The following BDP1 variants were observed in gnomAD, a reference collection of about 807,000 sequenced individuals.
BDP1 encodes the protein transcription factor TFIIIB component B'' homolog.
A neutral mutation model predicts 266.6 loss-of-function variants in BDP1; 169 were observed. The ratio of observed to expected loss-of-function variants is 0.63; its 90% confidence interval spans 0.56 to 0.72. BDP1 has a LOEUF of 0.72. Among genes scored for constraint, BDP1 ranks in the 30% least tolerant of loss-of-function variants. The pLI is 0.00. For synonymous variants in BDP1, 1,090 were observed against 1,022.4 expected (o/e 1.07, Z -1.26); for missense variants, 3,015 against 3,053.8 (o/e 0.99, Z 0.30).
At chr5:71,526,775 C>A (rs1765916227) in intron 25 of BDP1, among the ~76,000 whole-genome samples, 1 of 150,568 alleles carries the variant, frequency 6.6e-6, no homozygotes, top group South Asian at 2.1e-4. Context: ...GCAACCTCCA[C>A]CTCCCAGGTT....
In BDP1 at chr5:71,526,615, CAAAAAAAA is replaced by C. The variant is rs752124588; in HGVS notation, c.5772+2306_5772+2313del. On this transcript the variant is annotated intron_variant, in intron 25 of 38. Transcript: ENST00000358731. ...TGGGAGACAGAGCGAGACTCTATCT[CAAAAAAAA>C]AAAAAAAAAAAAAGAAGAGTGCTAA... 3.0e-3 allele frequency among the ~76,000 whole-genome samples: 151 copies of C among 49,866 alleles called. 2 individuals carry two copies. The highest frequency in any genetic ancestry group is 0.011 in the African/African-American group (137 of 12,052). 32.7% of individuals were successfully genotyped at this position (49,866 alleles called of 152,430 possible).
chr5:71,542,839 ATTC>A (rs997013779), intron 30 of BDP1, among the ~76,000 whole-genome samples: 6 of 152,140 alleles, frequency 3.9e-5, no homozygotes, highest in African/African-American at 1.2e-4. Flanking sequence ...TATATACTGT[ATTC>A]TTATGATAAA....
intron 36 of BDP1, among the ~76,000 whole-genome samples, chr5:71,559,314 A>G (rs967661239): frequency 3.9e-5 from 6 of 152,220 alleles, no homozygotes; most frequent in Non-Finnish European, 7.3e-5. Flanking sequence ...GCATTAAGCA[A>G]ACCACAATAC....
At chr5:71,540,779 A>G (rs1007240176) in intron 28 of BDP1, among the ~76,000 whole-genome samples, 1 of 152,150 alleles carries the variant, frequency 6.6e-6, no homozygotes, top group African/African-American at 2.4e-5. Context: ...TCTACAAAAA[A>G]TACAAAAAAT....
intron 22 of BDP1, among the ~76,000 whole-genome samples, chr5:71,519,696 A>T (rs560768230): frequency 1.3e-4 from 20 of 151,884 alleles, no homozygotes; most frequent in African/African-American, 4.1e-4. Context: ...ACACTTTCTC[A>T]CTTTCTTTAT....
chr5:71,568,174 G>A (rs997218880), downstream of BDP1, among the ~76,000 whole-genome samples: 2 of 152,100 alleles, frequency 1.3e-5, no homozygotes, highest in Admixed American at 1.3e-4. Context: ...TTTGACAGGT[G>A]TGCATGTCGT....
At chr5:71,543,602 A>C (rs1376852780) in intron 30 of BDP1, among the ~76,000 whole-genome samples, 1 of 152,174 alleles carries the variant, frequency 6.6e-6, no homozygotes, top group Non-Finnish European at 1.5e-5. Context: ...AAAAGGAAGA[A>C]AATTATAAGG....
intron 34 of BDP1, among the ~76,000 whole-genome samples, chr5:71,552,275 A>T (rs372033736): frequency 6.6e-6 from 1 of 150,560 alleles, no homozygotes; most frequent in African/African-American, 2.5e-5. Flanking sequence ...GGCCGGGCAG[A>T]GACGCTCCTC....
rs768888739 is a variant in BDP1 at position 71,541,548 on chromosome 5, T to G, written c.6117T>G (p.Cys2039Trp). 2 of 1,611,584 alleles carry G rather than the reference T, an allele frequency of 1.2e-6. No individual in the cohort carries two copies. Among genetic ancestry groups the G allele is most frequent in the Non-Finnish European group, 8.5e-7 (1 of 1,178,044 alleles). ...TAAATCACAAAATTGTTCATGAATG[T>G]CAGGAACTTTCTTCACCTGTCATTA... ...DNVNHKIVHE[C>W]QELSSPVITT... The change falls in exon 29 of 39, where the codon TGT becomes TGG. Residue 2039 changes from cysteine to tryptophan, a missense_variant. Transcript: ENST00000358731.
intron 25 of BDP1, among the ~76,000 whole-genome samples, chr5:71,531,728 T>G (rs1192165018): frequency 3.3e-5 from 5 of 152,148 alleles, no homozygotes; most frequent in Middle Eastern, 3.4e-3. Flanking sequence ...AGGCTGGTCT[T>G]GAACTCCTGA....
chr5:71,501,022 TG>T (rs1178096998), intron 13 of BDP1, among the ~76,000 whole-genome samples: 1 of 150,798 alleles, frequency 6.6e-6, no homozygotes, highest in African/African-American at 2.4e-5. Flanking sequence ...ACCTGAGCCT[TG>T]GGGGTCAAGG....
intron 16 of BDP1, among the ~76,000 whole-genome samples, chr5:71,506,029 C>T (rs1416498762): frequency 6.6e-6 from 1 of 152,216 alleles, no homozygotes; most frequent in African/African-American, 2.4e-5. Flanking sequence ...CTAATGTGCA[C>T]ACAGTCTCTA....
chr5:71,477,503 G>A (rs1357248404), intron 7 of BDP1, among the ~76,000 whole-genome samples: 1 of 152,038 alleles, frequency 6.6e-6, no homozygotes, highest in African/African-American at 2.4e-5. Flanking sequence ...AGTTTAATGA[G>A]GCAGCTGGTC....
intron 13 of BDP1, among the ~76,000 whole-genome samples, chr5:71,500,099 T>A (rs1428844574): frequency 2.6e-5 from 4 of 152,106 alleles, no homozygotes; most frequent in African/African-American, 9.7e-5. Context: ...CCATTTTTTT[T>A]AAACTAAAAC....
rs187541686 is a variant in BDP1, at chr5:71,510,135, A to T, written c.3043A>T (p.Thr1015Ser). ...VDEMETDLNATGRESSPREKT... is the reference protein window; with the variant it reads ...VDEMETDLNASGRESSPREKT... ...TGAAATGGAGACAGATTTGAACGCA[A>T]CTGGAAGAGAGAGTTCTCCAAGGGA... Residue 1015 changes from threonine to serine, a missense_variant, in exon 17 of 39, where the codon ACT becomes TCT. This residue lies in a region of BDP1 where 2,383 missense variants were observed against 2,404.9 expected (regional missense o/e 0.99). Coordinates refer to ENST00000358731, the MANE Select transcript of BDP1 (RefSeq NM_018429.3). 3.7e-6 allele frequency: 6 copies of T among 1,613,910 alleles called. No homozygotes were observed. The South Asian group carries it at 5.5e-5, about 15-fold the overall frequency.
In BDP1 at chr5:71,510,326, A is replaced by C; in HGVS notation, c.3234A>C (p.Pro1078=). The change falls in exon 17 of 39, where the codon CCA becomes CCC. Residue 1078 remains proline (P), a synonymous_variant. Coordinates refer to ENST00000358731, the MANE Select transcript of BDP1 (RefSeq NM_018429.3). ...ACAGTTTCCCAAGGGGGAAGACACC[A>C]GAGGTGATTGATGCCATTGAGGAAA... The part of the protein sequence containing the change: ...GRDSFPRGKT[P]EVIDAIEEIE... 1 of 1,614,014 alleles carries C rather than the reference A, an allele frequency of 6.2e-7. No individual in the cohort carries two copies. The highest frequency in any genetic ancestry group is 8.5e-7 in the Non-Finnish European group (1 of 1,179,976).
intron 7 of BDP1, among the ~76,000 whole-genome samples, chr5:71,477,231 C>T (rs1762647603): frequency 6.6e-6 from 1 of 151,534 alleles, no homozygotes; most frequent in Non-Finnish European, 1.5e-5. Flanking sequence ...AACCATAGCT[C>T]ACTGCCGCCA....
At position 71,556,896 on chromosome 5, in the gene BDP1, AG is replaced by A. The variant is rs1339866620; in HGVS notation, c.7213del (p.Glu2405AsnfsTer2). On this transcript the variant is annotated frameshift_variant, in exon 36 of 39. Coordinates refer to ENST00000358731, the MANE Select transcript of BDP1 (RefSeq NM_018429.3). LOFTEE classifies it high-confidence loss of function. The stretch of plus-strand genomic sequence containing the variant: ...ATTTTCTTAAAATAGGTGCACTCAA[AG>A]GAATTAACAAATGTTTTTGAGGAAA... ...CQEYTTEVHSKELTNVFEETG... is the reference protein window; with the variant it reads ...CQEYTTEVHSXELTNVFEETG... The A allele has an allele frequency of 9.0e-6, 13 of 1,452,042 alleles. No individual in the cohort carries two copies. The highest frequency in any genetic ancestry group is 1.2e-5 in the Non-Finnish European group (13 of 1,085,750). The allele number at this position is 1,452,042 out of a possible 1,614,324, so 89.9% of individuals were successfully genotyped here.
In BDP1 at chr5:71,512,368, CAG is replaced by C. The variant is rs1355832637; in HGVS notation, c.4189_4190del (p.Glu1397SerfsTer17). On this transcript the variant is annotated frameshift_variant, in exon 18 of 39. Transcript: ENST00000358731. LOFTEE classifies it high-confidence loss of function. ...TCACAGACTCATGAATCTGATAAAA[CAG>C]AAGTCCAGGGGATTCAATCTCCAGA... 1 of 1,597,226 alleles carries C rather than the reference CAG, an allele frequency of 6.3e-7. No individual in the cohort carries two copies. The highest frequency in any genetic ancestry group is 2.2e-5 in the East Asian group (1 of 44,496).
Sources: gnomAD v4.1 joint callset for allele counts (sites outside exome capture counted in the v4.1 genomes callset) on GRCh38, gnomAD v4.1.1 for gene constraint, gnomAD v4.1.1 regional missense constraint, MANE v1.5 for transcripts, NCBI Gene and HGNC (gene_info 2026-07-23, HGNC 2026-07-21) for gene names.